SMCHD1: variants seen among roughly 807,000 people sequenced by gnomAD.
SMCHD1 encodes structural maintenance of chromosomes flexible hinge domain containing 1.
In SMCHD1, 78 loss-of-function variants were observed where a neutral mutation model predicts 254.7. That is an observed-to-expected ratio of 0.31 (90% CI 0.26 to 0.37). The LOEUF is 0.37. SMCHD1 is among the 10% of genes least tolerant of loss of function. The pLI is 1.00. For synonymous variants in SMCHD1, 766 were observed against 794.9 expected (o/e 0.96, Z 0.61); for missense variants, 1,840 against 2,408.1 (o/e 0.76, Z 4.94).
intron 20 of SMCHD1, among the ~76,000 whole-genome samples, chr18:2,723,634 A>G (rs1450909930): frequency 6.6e-6 from 1 of 152,124 alleles, no homozygotes; most frequent in Non-Finnish European, 1.5e-5. Context: ...ATCCATATGC[A>G]TTCGTTCCAG....
chr18:2,744,359 G>T (rs686077), intron 29 of SMCHD1, among the ~76,000 whole-genome samples: 1 of 151,346 alleles, frequency 6.6e-6, no homozygotes, highest in Admixed American at 6.6e-5. Context: ...TAAATACTTC[G>T]GTATGCCTTC....
intron 5 of SMCHD1, among the ~76,000 whole-genome samples, chr18:2,675,823 C>CT (rs1170898921): frequency 6.6e-6 from 1 of 152,194 alleles, no homozygotes; most frequent in Non-Finnish European, 1.5e-5. Flanking sequence ...GACATTGACT[C>CT]TGATTTCTCT....
rs374476316 is a variant in SMCHD1 at position 2,766,084 on chromosome 18, C to G, written c.4719+2295C>G. Among the ~76,000 whole-genome samples, 298 of 152,180 alleles carry G rather than the reference C, an allele frequency of 2.0e-3. 1 individual carries two copies. The highest frequency in any genetic ancestry group is 6.8e-3 in the Middle Eastern group (2 of 294). On this transcript the variant is annotated intron_variant, in intron 37 of 47. Transcript: ENST00000320876. ...TTGCCCCTCACTGCAAGCTCTGCCT[C>G]CCGGGTTCACGCCATTCTCCTGTCT...
intron 41 of SMCHD1, among the ~76,000 whole-genome samples, chr18:2,774,157 T>C (rs1313200568): frequency 6.6e-6 from 1 of 152,194 alleles, no homozygotes; most frequent in East Asian, 1.9e-4. Context: ...ATTATAGTTA[T>C]ACTTAACATG....
intron 17 of SMCHD1, among the ~76,000 whole-genome samples, chr18:2,711,506 G>A (rs1337050547): frequency 2.5e-5 from 3 of 117,938 alleles, no homozygotes; most frequent in Admixed American, 2.0e-4. Flanking sequence ...TTTTTGAGAC[G>A]GAGTCTCGCT....
Position 2,707,703 on chromosome 18 carries a change from C to G in SMCHD1, c.2146+58C>G, listed in dbSNP as rs2074550929. 2.0e-6 allele frequency: 3 copies of G among 1,469,794 alleles called. No homozygotes were observed. The African/African-American group carries it at 4.2e-5, about 21-fold the overall frequency. The allele number at this position is 1,469,794 out of a possible 1,614,324, so 91.0% of individuals were successfully genotyped here. ...TGTGCTTTTCTTTTGTCTTACATTT[C>G]CAATATGTAAAAGGTCACGAGATAT... is the stretch of plus-strand genomic sequence containing the variant. On this transcript the variant is annotated intron_variant, in intron 16 of 47. Transcript: ENST00000320876.
chr18:2,732,158 A>G, intron 24 of SMCHD1, 107 bp from the exon 25 acceptor site: 2 of 777,092 alleles, frequency 2.6e-6, no homozygotes, highest in Middle Eastern at 3.8e-4. Flanking sequence ...ACCTGTGAGT[A>G]TAACAATGTA....
At chr18:2,668,764 ACG>A (rs1326380939) in intron 3 of SMCHD1, among the ~76,000 whole-genome samples, 4 of 152,030 alleles carry the variant, frequency 2.6e-5, no homozygotes, top group Admixed American at 2.6e-4. Flanking sequence ...TACTGTACCC[ACG>A]CTCTTATGGT....
intron 13 of SMCHD1, among the ~76,000 whole-genome samples, chr18:2,704,694 T>G (rs1307055732): frequency 6.6e-6 from 1 of 151,554 alleles, no homozygotes; most frequent in Non-Finnish European, 1.5e-5. Flanking sequence ...GTAACATTTG[T>G]GTGGACCTTG....
chr18:2,732,169 T>G, intron 24 of SMCHD1, 96 bp from the exon 25 acceptor site: 28 of 854,422 alleles, frequency 3.3e-5, no homozygotes, highest in Non-Finnish European at 4.3e-5. Context: ...TAACAATGTA[T>G]GAGATGGTCT....
At chr18:2,669,235 T>G (rs973109833) in intron 3 of SMCHD1, among the ~76,000 whole-genome samples, 4 of 152,048 alleles carry the variant, frequency 2.6e-5, no homozygotes, top group African/African-American at 7.2e-5. Context: ...GTTTAGCTAC[T>G]TGGGAGGCAG....
chr18:2,663,939 TCTC>T (rs1362683379), intron 1 of SMCHD1, among the ~76,000 whole-genome samples: 1 of 152,056 alleles, frequency 6.6e-6, no homozygotes, highest in Non-Finnish European at 1.5e-5. Context: ...ATGGTCTCGA[TCTC>T]CTGCCCTCGT....
At chr18:2,735,134 C>T (rs1328738098) in intron 25 of SMCHD1, among the ~76,000 whole-genome samples, 1 of 151,636 alleles carries the variant, frequency 6.6e-6, no homozygotes, top group Non-Finnish European at 1.5e-5. Flanking sequence ...GTTGAACCAA[C>T]CCTGAATATA....
At chr18:2,742,503 C>T (rs2075371022) in intron 28 of SMCHD1, among the ~76,000 whole-genome samples, 2 of 152,160 alleles carry the variant, frequency 1.3e-5, no homozygotes, top group African/African-American at 4.8e-5. Context: ...GTACATTTTA[C>T]TAAGGAATAT....
chr18:2,784,947 TAA>T (rs35051153), intron 45 of SMCHD1: 10,219 of 318,860 alleles, frequency 0.032, no homozygotes, highest in South Asian at 0.074. Flanking sequence ...CTCCATCTCT[TAA>T]AAAAAAAAAA....
intron 17 of SMCHD1, among the ~76,000 whole-genome samples, chr18:2,709,769 T>C (rs2074625554): frequency 6.6e-6 from 1 of 152,202 alleles, no homozygotes; most frequent in Non-Finnish European, 1.5e-5. Flanking sequence ...TGTTGTTGAG[T>C]TGTAAGAGTT....
At chr18:2,724,016 T>C (rs1285935439) in intron 20 of SMCHD1, among the ~76,000 whole-genome samples, 2 of 151,670 alleles carry the variant, frequency 1.3e-5, no homozygotes, top group African/African-American at 2.4e-5. Context: ...GTTTTTTCTT[T>C]ATGTTTTCCT....
chr18:2,707,128 C>T (rs187871627), intron 15 of SMCHD1, among the ~76,000 whole-genome samples: 7 of 152,144 alleles, frequency 4.6e-5, no homozygotes, highest in South Asian at 2.1e-4. Context: ...AGATGAGATT[C>T]GGATGGGGAC....
chr18:2,748,419 G>A (rs2075509074), intron 30 of SMCHD1, among the ~76,000 whole-genome samples: 3 of 2,978 alleles, frequency 1.0e-3, no homozygotes, highest in South Asian at 0.014. Flanking sequence ...TGGAGACAGA[G>A]TCTCGCTGCA....
Sources: gnomAD v4.1 joint callset for allele counts (sites outside exome capture counted in the v4.1 genomes callset) on GRCh38, gnomAD v4.1.1 for gene constraint, MANE v1.5 for transcripts, NCBI Gene and HGNC (gene_info 2026-07-23, HGNC 2026-07-21) for gene names.